GJC2: variants seen among roughly 807,000 people sequenced by gnomAD.
GJC2 encodes gap junction protein gamma 2.
For missense variants in GJC2, 647 were observed against 648.9 expected, an observed-to-expected ratio of 1.00 and a Z score of 0.03; for synonymous variants, 336 against 307.5, an observed-to-expected ratio of 1.09 and a Z score of -0.97.
chr1:228,159,104 GGGA>G lies in GJC2; in HGVS notation c.*35_*37del. 1.2e-6 allele frequency: 2 copies of G among 1,608,948 alleles called. No individual in the cohort carries two copies. The highest frequency in any genetic ancestry group is 1.7e-6 in the Non-Finnish European group (2 of 1,178,672). On this transcript the variant is annotated 3_prime_UTR_variant, in exon 2 of 2. Coordinates refer to ENST00000366714, the MANE Select transcript of GJC2 (RefSeq NM_020435.4). The surrounding 1 kb of genome is among the most constrained non-coding windows in gnomAD (Gnocchi z 4.0). Reference sequence around the variant, plus strand: ...GGGCGCTGGCTTGCGAGCTGGGCCAGGGAGGAGGAGGGTTGGGGGGCTCCGGTG... The same window carrying G: ...GGGCGCTGGCTTGCGAGCTGGGCCAGGGAGGAGGGTTGGGGGGCTCCGGTG...
In GJC2 at chr1:228,159,133, G is replaced by A; in HGVS notation, c.*55G>A. 6.3e-7 allele frequency: 1 copy of A among 1,580,204 alleles called. No individual in the cohort carries two copies. The highest frequency in any genetic ancestry group is 1.4e-5 in the African/African-American group (1 of 73,926). ...GGAGGAGGGTTGGGGGGCTCCGGTG[G>A]AAACCTGCGACCCCTTCTCCTCAGC... On this transcript the variant is annotated 3_prime_UTR_variant, in exon 2 of 2. Coordinates refer to ENST00000366714, the MANE Select transcript of GJC2 (RefSeq NM_020435.4). This position sits in a 1 kb window ranked among gnomAD's most constrained non-coding sequence, Gnocchi z 4.0.
intron 1 of GJC2, among the ~76,000 whole-genome samples, chr1:228,157,194 A>AC (rs2034693113): frequency 6.6e-6 from 1 of 151,912 alleles, no homozygotes; most frequent in African/African-American, 2.4e-5. Context: ...AGGGAGGCAG[A>AC]GCAGGGCCTC....
Position 228,158,637 on chromosome 1 carries a change from C to A in GJC2, c.879C>A (p.Ser293Arg), listed in dbSNP as rs868063664. The A allele has an allele frequency of 6.2e-7, 1 of 1,603,856 alleles. No homozygotes were observed. Among genetic ancestry groups the A allele is most frequent in the Non-Finnish European group, 8.5e-7 (1 of 1,176,256 alleles). ...LCEMAHLGLG[S>R]AQDAVRGRRG... Reference sequence around the variant, plus strand: ...AGATGGCCCACCTGGGCTTGGGCAGCGCGCAGGACGCGGTGCGCGGCCGCC... The same window carrying A: ...AGATGGCCCACCTGGGCTTGGGCAGAGCGCAGGACGCGGTGCGCGGCCGCC... Residue 293 changes from serine to arginine, a missense_variant, in exon 2 of 2, where the codon AGC becomes AGA. By Grantham distance (110) the Ser-to-Arg change is moderately radical. Transcript: ENST00000366714. This position sits in a 1 kb window ranked among gnomAD's most constrained non-coding sequence, Gnocchi z 8.3.
chr1:228,159,128 C>T lies in GJC2; in HGVS notation c.*50C>T, dbSNP rs865773931. On this transcript the variant is annotated 3_prime_UTR_variant, in exon 2 of 2. Transcript: ENST00000366714. This position sits in a 1 kb window ranked among gnomAD's most constrained non-coding sequence, Gnocchi z 4.0. The stretch of plus-strand genomic sequence containing the variant: ...AGGGAGGAGGAGGGTTGGGGGGCTC[C>T]GGTGGAAACCTGCGACCCCTTCTCC... 5 of 1,588,768 alleles carry T rather than the reference C, an allele frequency of 3.1e-6. No homozygotes were observed. The highest frequency in any genetic ancestry group is 4.3e-6 in the Non-Finnish European group (5 of 1,162,252).
chr1:228,159,142 G>C lies in GJC2; in HGVS notation c.*64G>C. 2 of 1,559,384 alleles carry C rather than the reference G, an allele frequency of 1.3e-6. No homozygotes were observed. The highest frequency in any genetic ancestry group is 1.8e-6 in the Non-Finnish European group (2 of 1,137,898). ...TTGGGGGGCTCCGGTGGAAACCTGCGACCCCTTCTCCTCAGCCTTCTCCTT... is the reference window on the plus strand; with the variant it reads ...TTGGGGGGCTCCGGTGGAAACCTGCCACCCCTTCTCCTCAGCCTTCTCCTT... On this transcript the variant is annotated 3_prime_UTR_variant, in exon 2 of 2. Coordinates refer to ENST00000366714, the MANE Select transcript of GJC2 (RefSeq NM_020435.4). This position sits in a 1 kb window ranked among gnomAD's most constrained non-coding sequence, Gnocchi z 4.0.
rs1034028676 is a variant in GJC2 at position 228,158,838 on chromosome 1, C to T, written c.1080C>T (p.Asp360=). ...LANLALQALR[D]GAAAGDRDRD... Reference sequence around the variant, plus strand: ...ACCTGGCCCTGCAGGCGCTGCGCGACGGGGCAGCGGCTGGGGACCGCGACC... The same window carrying T: ...ACCTGGCCCTGCAGGCGCTGCGCGATGGGGCAGCGGCTGGGGACCGCGACC... The change falls in exon 2 of 2, where the codon GAC becomes GAT. Residue 360 remains aspartate (D), a synonymous_variant. Coordinates refer to ENST00000366714, the MANE Select transcript of GJC2 (RefSeq NM_020435.4). This position sits in a 1 kb window ranked among gnomAD's most constrained non-coding sequence, Gnocchi z 8.3. The T allele has an allele frequency of 2.9e-5, 42 of 1,466,758 alleles. No homozygotes were observed. The highest frequency in any genetic ancestry group is 3.4e-5 in the Non-Finnish European group (38 of 1,114,144). 90.9% of individuals were successfully genotyped at this position (1,466,758 alleles called of 1,614,324 possible).
intron 1 of GJC2, among the ~76,000 whole-genome samples, chr1:228,154,200 A>G (rs186281966): frequency 2.0e-5 from 3 of 152,214 alleles, no homozygotes; most frequent in Non-Finnish European, 4.4e-5. Context: ...TGGATCCCAC[A>G]TGGTGTCAGT....
chr1:228,156,996 G>A (rs1056209827), intron 1 of GJC2, among the ~76,000 whole-genome samples: 1 of 152,264 alleles, frequency 6.6e-6, no homozygotes, highest in African/African-American at 2.4e-5. Flanking sequence ...GAGATGGTCT[G>A]GGTTGAGACC....
Position 228,158,157 on chromosome 1 carries a change from C to T in GJC2, c.399C>T (p.Ala133=), listed in dbSNP as rs1283512328. ...GAGCGCACCTGCCGCCCCCGCACGC[C>T]GGCTGGCCTGAGCCCGCCGACCTGG... ...APRAHLPPPH[A]GWPEPADLGE... The change falls in exon 2 of 2, where the codon GCC becomes GCT. Residue 133 remains alanine (A), a synonymous_variant. Coordinates refer to ENST00000366714, the MANE Select transcript of GJC2 (RefSeq NM_020435.4). The surrounding 1 kb of genome is among the most constrained non-coding windows in gnomAD (Gnocchi z 8.3). 5 of 1,351,650 alleles carry T rather than the reference C, an allele frequency of 3.7e-6. No homozygotes were observed. Among genetic ancestry groups the T allele is most frequent in the South Asian group, 1.7e-5 (1 of 58,584 alleles). 83.7% of individuals were successfully genotyped at this position (1,351,650 alleles called of 1,614,324 possible). A position where few individuals can be genotyped will look rare whatever the true frequency, so the allele number is the denominator to read the frequency against.
At chr1:228,156,592 C>T (rs2034682479) in intron 1 of GJC2, among the ~76,000 whole-genome samples, 1 of 152,242 alleles carries the variant, frequency 6.6e-6, no homozygotes, top group African/African-American at 2.4e-5. Flanking sequence ...GTGGGGAGGC[C>T]TCAGCTGCAT....
rs1571904481 is a variant in GJC2, at chr1:228,151,514, T to C, written c.-20+1507T>C. On this transcript the variant is annotated intron_variant, in intron 1 of 1. Coordinates refer to ENST00000366714, the MANE Select transcript of GJC2 (RefSeq NM_020435.4). This position sits in a 1 kb window ranked among gnomAD's most constrained non-coding sequence, Gnocchi z 5.4. ...AGTCTGAATAGGGAGGGTTCATGGC[T>C]ATGTGTGAGAGTGAGTGTGTGAGCC... Among the ~76,000 whole-genome samples the C allele has an allele frequency of 6.6e-6, 1 of 151,982 alleles. No homozygotes were observed. The highest frequency in any genetic ancestry group is 1.5e-5 in the Non-Finnish European group (1 of 67,984).
At chr1:228,155,264 C>T (rs369666347) in intron 1 of GJC2, among the ~76,000 whole-genome samples, 4 of 152,154 alleles carry the variant, frequency 2.6e-5, no homozygotes, top group African/African-American at 9.7e-5. Flanking sequence ...GAGCCGTGGG[C>T]AGAGCACACG....
Position 228,158,135 on chromosome 1 carries a change from C to T in GJC2, c.377C>T (p.Ala126Val), listed in dbSNP as rs2034711645. 2.4e-5 allele frequency: 31 copies of T among 1,268,606 alleles called. No individual in the cohort carries two copies. The highest frequency in any genetic ancestry group is 3.0e-5 in the Non-Finnish European group (30 of 1,007,348). The allele number at this position is 1,268,606 out of a possible 1,614,324, so 78.6% of individuals were successfully genotyped here. ...RRPGPRRAPR[A>V]HLPPPHAGWP... is the part of the protein sequence containing the mutation. ...CCGGGGCCACGCCGCGCGCCCCGAG[C>T]GCACCTGCCGCCCCCGCACGCCGGC... The change falls in exon 2 of 2, where the codon GCG becomes GTG. Residue 126 changes from alanine to valine, a missense_variant. Transcript: ENST00000366714. The surrounding 1 kb of genome is among the most constrained non-coding windows in gnomAD (Gnocchi z 8.3).
chr1:228,159,128 C>G lies in GJC2; in HGVS notation c.*50C>G. ...AGGGAGGAGGAGGGTTGGGGGGCTC[C>G]GGTGGAAACCTGCGACCCCTTCTCC... On this transcript the variant is annotated 3_prime_UTR_variant, in exon 2 of 2. Transcript: ENST00000366714. This position sits in a 1 kb window ranked among gnomAD's most constrained non-coding sequence, Gnocchi z 4.0. 2 of 1,588,768 alleles carry G rather than the reference C, an allele frequency of 1.3e-6. No homozygotes were observed. Among genetic ancestry groups the G allele is most frequent in the Non-Finnish European group, 1.7e-6 (2 of 1,162,252 alleles).
chr1:228,159,050 G>A lies in GJC2; in HGVS notation c.1292G>A (p.Arg431Lys). The A allele has an allele frequency of 6.2e-7, 1 of 1,610,494 alleles. No homozygotes were observed. The highest frequency in any genetic ancestry group is 8.5e-7 in the Non-Finnish European group (1 of 1,179,728). ...TCCGAGAAGGGCAGTGCCAGCAGCAGGGACGGGAAGACCACCGTGTGGATC... is the reference window on the plus strand; with the variant it reads ...TCCGAGAAGGGCAGTGCCAGCAGCAAGGACGGGAAGACCACCGTGTGGATC... The part of the protein sequence containing the change: ...AGSEKGSASS[R>K]DGKTTVWI The change falls in exon 2 of 2, where the codon AGG becomes AAG. Residue 431 changes from arginine (R) to lysine (K), a missense_variant. Coordinates refer to ENST00000366714, the MANE Select transcript of GJC2 (RefSeq NM_020435.4). This position sits in a 1 kb window ranked among gnomAD's most constrained non-coding sequence, Gnocchi z 4.0.
intron 1 of GJC2, among the ~76,000 whole-genome samples, chr1:228,156,446 C>T (rs556436743): frequency 6.6e-6 from 1 of 152,332 alleles, no homozygotes; most frequent in African/African-American, 2.4e-5. Context: ...TGCATGTGTA[C>T]ACATGTGAAT....
intron 1 of GJC2, among the ~76,000 whole-genome samples, chr1:228,155,514 G>T (rs966884018): frequency 1.3e-5 from 2 of 152,208 alleles, no homozygotes; most frequent in African/African-American, 4.8e-5. Flanking sequence ...TGGCATTTGG[G>T]TGTGGCCCTC....
At position 228,151,385 on chromosome 1, in the gene GJC2, T is replaced by C. The variant is rs1452183382; in HGVS notation, c.-20+1378T>C. Among the ~76,000 whole-genome samples, 2 of 151,686 alleles carry C rather than the reference T, an allele frequency of 1.3e-5. No homozygotes were observed. Among genetic ancestry groups the C allele is most frequent in the African/African-American group, 4.8e-5 (2 of 41,272 alleles). On this transcript the variant is annotated intron_variant, in intron 1 of 1. Transcript: ENST00000366714. This position sits in a 1 kb window ranked among gnomAD's most constrained non-coding sequence, Gnocchi z 5.4. ...TCAGTTCAGGAGCTGTGGCAGGCCA[T>C]GTAAGGGGAGCCACCATGTGGGCAG...
chr1:228,154,006 C>T (rs2034650745), intron 1 of GJC2, among the ~76,000 whole-genome samples: 1 of 152,180 alleles, frequency 6.6e-6, no homozygotes, highest in Non-Finnish European at 1.5e-5. Flanking sequence ...TACAGAAATG[C>T]TGTGAGGATA....
Sources: allele counts gnomAD v4.1 joint callset (sites outside exome capture counted in the v4.1 genomes callset), GRCh38; gene constraint gnomAD v4.1.1; non-coding constraint Gnocchi (gnomAD v3.1); transcripts MANE v1.5; gene names NCBI Gene and HGNC (gene_info 2026-07-23, HGNC 2026-07-21).